The following NR5A2 variants were observed in gnomAD, a reference collection of about 807,000 sequenced individuals.
NR5A2 encodes nuclear receptor subfamily 5 group A member 2.
NR5A2 carries 26 observed loss-of-function variants against 62.7 expected under a neutral mutation model. That is an observed-to-expected ratio of 0.41 (90% CI 0.30 to 0.58). The LOEUF is 0.58. Among genes scored for constraint, NR5A2 ranks in the 20% least tolerant of loss-of-function variants. The probability of loss-of-function intolerance (pLI) is 0.22; values close to 1 mark genes in which losing one functional copy is unlikely to be tolerated. For missense variants in NR5A2, 541 were observed against 669.1 expected, an observed-to-expected ratio of 0.81 and a Z score of 2.11; for synonymous variants, 246 against 241.7, an observed-to-expected ratio of 1.02 and a Z score of -0.16.
chr1:200,049,857 T>C (rs1391952535), intron 5 of NR5A2, among the ~76,000 whole-genome samples: 1 of 152,196 alleles, frequency 6.6e-6, no homozygotes, highest in Non-Finnish European at 1.5e-5. Flanking sequence ...ATCGTCTGTG[T>C]AAGTAGATGG....
In NR5A2 at chr1:200,039,919, G is replaced by C. The variant is rs1396763854; in HGVS notation, c.202+124G>C. The C allele has an allele frequency of 9.2e-6, 10 of 1,082,294 alleles. No homozygotes were observed. The African/African-American group carries it at 1.7e-4, about 18-fold the overall frequency. The allele number at this position is 1,082,294 out of a possible 1,614,324, so 67.0% of individuals were successfully genotyped here. The stretch of plus-strand genomic sequence containing the variant: ...AGCCCCGCTGGGCGCTCGCAGCCGC[G>C]GGAGTCAAGCCCCCTCCCCAGGTGC... On this transcript the variant is annotated intron_variant, in intron 2 of 7. Coordinates refer to ENST00000367362, the MANE Select transcript of NR5A2 (RefSeq NM_205860.3). This position sits in a 1 kb window ranked among gnomAD's most constrained non-coding sequence, Gnocchi z 5.1.
At chr1:200,117,257 TTA>T (rs1159344691) in intron 6 of NR5A2, among the ~76,000 whole-genome samples, 1 of 152,204 alleles carries the variant, frequency 6.6e-6, no homozygotes, top group African/African-American at 2.4e-5. Context: ...GAAAATATAA[TTA>T]TGTTTGTAAT....
chr1:200,174,869 C>T lies in NR5A2; in HGVS notation c.*659C>T, dbSNP rs1220611927. 1.3e-5 allele frequency: 2 copies of T among 152,598 alleles called. No individual in the cohort carries two copies. The highest frequency in any genetic ancestry group is 6.5e-5 in the Admixed American group (1 of 15,272). 9.5% of individuals were successfully genotyped at this position (152,598 alleles called of 1,614,324 possible). On this transcript the variant is annotated 3_prime_UTR_variant, in exon 8 of 8. Transcript: ENST00000367362. The stretch of plus-strand genomic sequence containing the variant: ...ATAGGAAATTCTATTAATATGTTAG[C>T]TTGCCATTTTAAATATGTTCTGAGG...
chr1:200,172,869 T>G (rs879819586), intron 7 of NR5A2, among the ~76,000 whole-genome samples: 2 of 152,232 alleles, frequency 1.3e-5, no homozygotes, highest in African/African-American at 2.4e-5. Flanking sequence ...TCTTATTTAT[T>G]TTTGTCCAAT....
chr1:200,052,695 G>A (rs1662695127), intron 5 of NR5A2, among the ~76,000 whole-genome samples: 1 of 151,630 alleles, frequency 6.6e-6, no homozygotes, highest in Non-Finnish European at 1.5e-5. Context: ...AGGTTGGAGT[G>A]CAGTGGTGCG....
intron 7 of NR5A2, among the ~76,000 whole-genome samples, chr1:200,172,691 G>C (rs1216862179): frequency 6.6e-6 from 1 of 152,206 alleles, no homozygotes; most frequent in Non-Finnish European, 1.5e-5. Context: ...TGACAGCCCA[G>C]TGTAAAGCCA....
At position 200,174,190 on chromosome 1, in the gene NR5A2, T is replaced by C. The variant is rs1654317382; in HGVS notation, c.1606T>C (p.Leu536=). 5 of 1,603,098 alleles carry C rather than the reference T, an allele frequency of 3.1e-6. No individual in the cohort carries two copies. Among genetic ancestry groups the C allele is most frequent in the Non-Finnish European group, 4.3e-6 (5 of 1,173,712 alleles). ...VPYNNLLIEM[L]HAKRA is the part of the protein sequence containing the mutation. Reference sequence around the variant, plus strand: ...CTATAATAACCTTCTCATTGAAATGTTGCATGCCAAAAGAGCATAAGTTAC... The same window carrying C: ...CTATAATAACCTTCTCATTGAAATGCTGCATGCCAAAAGAGCATAAGTTAC... Residue 536 remains leucine (L), a synonymous_variant, in exon 8 of 8, where the codon TTG becomes CTG. Coordinates refer to ENST00000367362, the MANE Select transcript of NR5A2 (RefSeq NM_205860.3).
At chr1:200,059,065 G>A (rs1022543873) in intron 5 of NR5A2, among the ~76,000 whole-genome samples, 1 of 151,868 alleles carries the variant, frequency 6.6e-6, no homozygotes, top group Admixed American at 6.6e-5. Flanking sequence ...AGCCAAGATC[G>A]CACTACTGCA....
Position 200,174,507 on chromosome 1 carries a change from C to T in NR5A2, c.*297C>T, listed in dbSNP as rs769182489. Reference sequence around the variant, plus strand: ...TTGAACTCACAGATGGATACCAACACGGTCAGAAGAAAAACGGACAGAACG... The same window carrying T: ...TTGAACTCACAGATGGATACCAACATGGTCAGAAGAAAAACGGACAGAACG... On this transcript the variant is annotated 3_prime_UTR_variant, in exon 8 of 8. Coordinates refer to ENST00000367362, the MANE Select transcript of NR5A2 (RefSeq NM_205860.3). The T allele has an allele frequency of 2.4e-5, 5 of 211,016 alleles. No individual in the cohort carries two copies. The highest frequency in any genetic ancestry group is 4.7e-5 in the Non-Finnish European group (5 of 107,436). The allele number at this position is 211,016 out of a possible 1,614,324, so 13.1% of individuals were successfully genotyped here.
intron 5 of NR5A2, among the ~76,000 whole-genome samples, chr1:200,084,117 T>TA (rs1301220434): frequency 6.6e-6 from 1 of 151,992 alleles, no homozygotes; most frequent in African/African-American, 2.4e-5. Flanking sequence ...TTATAGGACT[T>TA]AGAGATTCAA....
At chr1:200,093,991 CTAAAAATACAAAAA>C (rs1664944864) in intron 5 of NR5A2, among the ~76,000 whole-genome samples, 1 of 151,892 alleles carries the variant, frequency 6.6e-6, no homozygotes, top group African/African-American at 2.4e-5. Context: ...TCCGTCTCTA[CTAAAAATACAAAAA>C]TAAAAATACA....
chr1:200,119,702 C>T (rs1666394592), intron 6 of NR5A2, among the ~76,000 whole-genome samples: 1 of 152,118 alleles, frequency 6.6e-6, no homozygotes, highest in South Asian at 2.1e-4. Flanking sequence ...TCTTGGCTCA[C>T]TGCAACCTCC....
intron 5 of NR5A2, among the ~76,000 whole-genome samples, chr1:200,080,308 A>T (rs755495444): frequency 1.3e-5 from 2 of 152,180 alleles, no homozygotes; most frequent in Non-Finnish European, 2.9e-5. Flanking sequence ...AGAGTCTAAG[A>T]CTGCAAAAAT....
chr1:200,063,293 G>C (rs957385813), intron 5 of NR5A2, among the ~76,000 whole-genome samples: 2 of 150,742 alleles, frequency 1.3e-5, no homozygotes, highest in Non-Finnish European at 3.0e-5. Context: ...CAAAGTGCTG[G>C]GATTACAGAT....
chr1:200,104,311 T>C (rs1665542300), intron 5 of NR5A2, among the ~76,000 whole-genome samples: 1 of 152,366 alleles, frequency 6.6e-6, no homozygotes, highest in East Asian at 1.9e-4. Context: ...TTAATCATTG[T>C]TAATGTGAAA....
intron 5 of NR5A2, among the ~76,000 whole-genome samples, 197 bp from the exon 6 acceptor site, chr1:200,111,003 CTA>C (rs1314502472): frequency 6.6e-6 from 1 of 152,108 alleles, no homozygotes; most frequent in East Asian, 1.9e-4. Flanking sequence ...CCTAAAAAAA[CTA>C]TTTGTCCGAA....
chr1:200,131,127 A>G (rs1666953495), intron 7 of NR5A2, among the ~76,000 whole-genome samples: 1 of 152,250 alleles, frequency 6.6e-6, no homozygotes, highest in African/African-American at 2.4e-5. Flanking sequence ...TTAGCATTCA[A>G]GAGATGCCAC....
At chr1:200,123,750 A>AT (rs11397949) in intron 7 of NR5A2, among the ~76,000 whole-genome samples, 7,569 of 52,730 alleles carry the variant, frequency 0.14, 408 homozygotes, top group East Asian at 0.4. Flanking sequence ...TACTTATTTA[A>AT]TTTTTTTTTT....
chr1:200,144,272 GAAC>G (rs1196703478), intron 7 of NR5A2, among the ~76,000 whole-genome samples: 1 of 121,444 alleles, frequency 8.2e-6, no homozygotes, highest in Non-Finnish European at 1.7e-5. Flanking sequence ...CACACACACA[GAAC>G]AACACTCAAG....
Sources: allele counts gnomAD v4.1 joint callset (sites outside exome capture counted in the v4.1 genomes callset), GRCh38; gene constraint gnomAD v4.1.1; non-coding constraint Gnocchi (gnomAD v3.1); transcripts MANE v1.5; gene names NCBI Gene and HGNC (gene_info 2026-07-23, HGNC 2026-07-21).